BMPER: variants seen among roughly 807,000 people sequenced by gnomAD.
BMPER encodes BMP binding endothelial regulator.
A neutral mutation model predicts 87.3 loss-of-function variants in BMPER; 45 were observed. The ratio of observed to expected loss-of-function variants is 0.52; its 90% CI spans 0.41 to 0.66. The LOEUF (loss-of-function observed/expected upper bound fraction) is 0.66, where lower values mean the gene tolerates loss of function less well. Ranked by LOEUF, BMPER falls within the 30% of genes least tolerant of loss-of-function variation. The probability of loss-of-function intolerance (pLI) is 0.00; values close to 1 mark genes in which losing one functional copy is unlikely to be tolerated. For synonymous variants in BMPER, 326 were observed against 316.2 expected, an observed-to-expected ratio of 1.03 and a Z score of -0.33; for missense variants, 784 against 867.5, an observed-to-expected ratio of 0.90 and a Z score of 1.21.
rs144615162 is a variant in BMPER, at chr7:34,118,573, G to A, written c.1746-24657G>A. On this transcript the variant is annotated intron_variant, in intron 13 of 14. Coordinates refer to ENST00000649409, the MANE Select transcript of BMPER (RefSeq NM_001365308.1). ...ACAGTGCCTGTGTGGCATGTATGTG[G>A]TTTTCAAGGAAAATTTTCTGGACGG... is the stretch of plus-strand genomic sequence containing the variant. 3.9e-5 allele frequency among the ~76,000 whole-genome samples: 6 copies of A among 152,162 alleles called. No individual in the cohort carries two copies. The East Asian group carries it at 1.2e-3, about 30-fold the overall frequency.
In BMPER at chr7:34,141,475, G is replaced by C. The variant is rs546464464; in HGVS notation, c.1746-1755G>C. Among the ~76,000 whole-genome samples, 3 of 152,034 alleles carry C rather than the reference G, an allele frequency of 2.0e-5. No individual in the cohort carries two copies. In the East Asian group the frequency reaches 5.8e-4, roughly 30 times the overall value. On this transcript the variant is annotated intron_variant, in intron 13 of 14. Coordinates refer to ENST00000649409, the MANE Select transcript of BMPER (RefSeq NM_001365308.1). ...AAATACAAAAAATTAGCCTGGCATG[G>C]TGGTGGGCACCTGAATTCCAGCTAC...
At chr7:34,020,859 A>AACACAC (rs61345180) in intron 6 of BMPER, among the ~76,000 whole-genome samples, 5,066 of 146,790 alleles carry the variant, frequency 0.035, 108 homozygotes, top group Admixed American at 0.064. Context: ...TGAATTTCTT[A>AACACAC]ACACACACAC....
chr7:33,927,605 A>G (rs899087978), intron 2 of BMPER, among the ~76,000 whole-genome samples: 6 of 152,274 alleles, frequency 3.9e-5, no homozygotes, highest in Non-Finnish European at 8.8e-5. Context: ...ATCTCCAGCT[A>G]TCACCTTCTT....
chr7:34,062,453 T>G (rs1287585783), intron 11 of BMPER, among the ~76,000 whole-genome samples: 1 of 152,134 alleles, frequency 6.6e-6, no homozygotes, highest in Non-Finnish European at 1.5e-5. Context: ...CAGCTGCACT[T>G]CCTGCTCCCT....
chr7:34,108,309 A>C (rs968015396), intron 13 of BMPER, among the ~76,000 whole-genome samples: 1 of 152,176 alleles, frequency 6.6e-6, no homozygotes, highest in Non-Finnish European at 1.5e-5. Flanking sequence ...GTAGAAATGG[A>C]CTTGCATCAT....
At chr7:33,936,960 C>T (rs1784617386) in intron 2 of BMPER, among the ~76,000 whole-genome samples, 1 of 152,152 alleles carries the variant, frequency 6.6e-6, no homozygotes, top group Non-Finnish European at 1.5e-5. Context: ...CAAATATTAT[C>T]GTTTCTGTAG....
At chr7:34,114,170 A>G (rs1321520220) in intron 13 of BMPER, among the ~76,000 whole-genome samples, 2 of 152,158 alleles carry the variant, frequency 1.3e-5, no homozygotes, top group African/African-American at 4.8e-5. Flanking sequence ...ACATCTGCAC[A>G]TGTTTTTCCA....
At chr7:34,009,649 G>A (rs1351471572) in intron 6 of BMPER, among the ~76,000 whole-genome samples, 1 of 151,976 alleles carries the variant, frequency 6.6e-6, no homozygotes, top group Non-Finnish European at 1.5e-5. Context: ...GAGAGAGGTG[G>A]CATTCTGCTG....
At chr7:34,047,328 G>A (rs1208658502) in intron 7 of BMPER, among the ~76,000 whole-genome samples, 1 of 151,924 alleles carries the variant, frequency 6.6e-6, no homozygotes, top group Non-Finnish European at 1.5e-5. Flanking sequence ...TTGCCAGGCT[G>A]GGTACAGTGG....
chr7:33,911,849 T>G (rs1783970054), intron 2 of BMPER, among the ~76,000 whole-genome samples: 1 of 152,222 alleles, frequency 6.6e-6, no homozygotes, highest in South Asian at 2.1e-4. Flanking sequence ...ATGATGGCAT[T>G]ATTTTTAAAA....
chr7:34,017,391 C>T (rs962457835), intron 6 of BMPER, among the ~76,000 whole-genome samples: 3 of 151,844 alleles, frequency 2.0e-5, no homozygotes, highest in African/African-American at 7.3e-5. Context: ...GGAGGACTCA[C>T]ATCTTAAATG....
At chr7:34,140,386 T>C (rs1206075699) in intron 13 of BMPER, among the ~76,000 whole-genome samples, 1 of 152,208 alleles carries the variant, frequency 6.6e-6, no homozygotes, top group Non-Finnish European at 1.5e-5. Flanking sequence ...GAATTTTAAC[T>C]TCCGAGACAA....
At chr7:34,027,058 C>CAAATGAACTGCT (rs1359694582) in intron 6 of BMPER, among the ~76,000 whole-genome samples, 1 of 151,984 alleles carries the variant, frequency 6.6e-6, no homozygotes, top group East Asian at 1.9e-4. Flanking sequence ...TTGCATGACC[C>CAAATGAACTGCT]AAATGTGCTG....
At chr7:34,070,936 G>A (rs1231879094) in intron 11 of BMPER, among the ~76,000 whole-genome samples, 1 of 151,488 alleles carries the variant, frequency 6.6e-6, no homozygotes, top group Non-Finnish European at 1.5e-5. Context: ...AACTTCTCAG[G>A]CTGGCAGTAA....
At position 34,140,587 on chromosome 7, in the gene BMPER, T is replaced by G. The variant is rs561057784; in HGVS notation, c.1746-2643T>G. On this transcript the variant is annotated intron_variant, in intron 13 of 14. Coordinates refer to ENST00000649409, the MANE Select transcript of BMPER (RefSeq NM_001365308.1). ...GGAGACAGAGGGACCTGTCTGTGGGTGAGGTGGAGTGTATGTACACAGTGG... is the reference window on the plus strand; with the variant it reads ...GGAGACAGAGGGACCTGTCTGTGGGGGAGGTGGAGTGTATGTACACAGTGG... Among the ~76,000 whole-genome samples, 5 of 152,278 alleles carry G rather than the reference T, an allele frequency of 3.3e-5. No homozygotes were observed. The East Asian group carries it at 9.7e-4, about 29-fold the overall frequency.
chr7:33,937,513 G>GGTGTGTGTGTGTGT (rs376953621), intron 3 of BMPER, 125 bp downstream of exon 3: 16,063 of 732,362 alleles, frequency 0.022, 184 homozygotes, highest in East Asian at 0.075. Context: ...GGAGAAGTAG[G>GGTGTGTGTGTGTGT]GTGTGTGTGT....
chr7:33,978,197 G>A (rs1008392490), intron 6 of BMPER, among the ~76,000 whole-genome samples: 1 of 152,214 alleles, frequency 6.6e-6, no homozygotes, highest in Admixed American at 6.5e-5. Context: ...CTCCCGCCAT[G>A]TAAGGACACA....
At chr7:34,020,894 ACG>A in intron 6 of BMPER, among the ~76,000 whole-genome samples, 1 of 151,446 alleles carries the variant, frequency 6.6e-6, no homozygotes, top group South Asian at 2.1e-4. Context: ...ACACACACGC[ACG>A]CACACACACA....
chr7:33,939,428 A>G (rs1220183009), intron 3 of BMPER, among the ~76,000 whole-genome samples: 1 of 152,130 alleles, frequency 6.6e-6, no homozygotes, highest in Non-Finnish European at 1.5e-5. Flanking sequence ...TCTCTTTCTG[A>G]TGGAAATCCC....
Sources: allele counts gnomAD v4.1 joint callset (sites outside exome capture counted in the v4.1 genomes callset), GRCh38; gene constraint gnomAD v4.1.1; transcripts MANE v1.5; gene names NCBI Gene and HGNC (gene_info 2026-07-23, HGNC 2026-07-21).